NEGR1: variants seen among roughly 807,000 people sequenced by gnomAD.
NEGR1 encodes IgLON family member 4.
Under a neutral mutation model 40.9 loss-of-function variants are expected in NEGR1, and 10 were observed. That is an observed-to-expected ratio of 0.24 (90% CI 0.15 to 0.42). NEGR1 has a LOEUF of 0.42. Among genes scored for constraint, NEGR1 ranks in the 10% least tolerant of loss-of-function variants. The pLI, the probability that NEGR1 is intolerant of heterozygous loss-of-function variation, is 1.00. For synonymous variants in NEGR1, 185 were observed against 166.8 expected (o/e 1.11, Z -0.84); for missense variants, 352 against 438.9 (o/e 0.80, Z 1.77).
chr1:71,817,803 G>A (rs1440171940), intron 2 of NEGR1, among the ~76,000 whole-genome samples: 1 of 151,982 alleles, frequency 6.6e-6, no homozygotes, highest in Admixed American at 6.6e-5. Flanking sequence ...GGATTGGGTG[G>A]CTATGGCTAA....
intron 6 of NEGR1, among the ~76,000 whole-genome samples, chr1:71,547,010 T>C (rs980972564): frequency 6.6e-6 from 1 of 151,716 alleles, no homozygotes; most frequent in African/African-American, 2.4e-5. Flanking sequence ...GCAAGTTGGT[T>C]TGATACTCTA....
chr1:71,421,976 C>A (rs1646397725), intron 6 of NEGR1, among the ~76,000 whole-genome samples: 1 of 151,128 alleles, frequency 6.6e-6, no homozygotes. Flanking sequence ...TGTGAATGTT[C>A]CTGCTAATCT....
chr1:72,255,566 T>G (rs1275196938), intron 1 of NEGR1, among the ~76,000 whole-genome samples: 2 of 149,104 alleles, frequency 1.3e-5, no homozygotes, highest in African/African-American at 5.1e-5. Flanking sequence ...TTTTTTTTTT[T>G]GAGATGGAGT....
intron 6 of NEGR1, among the ~76,000 whole-genome samples, chr1:71,438,482 C>A (rs919655016): frequency 6.6e-6 from 1 of 152,134 alleles, no homozygotes; most frequent in Non-Finnish European, 1.5e-5. Context: ...CTTCTCATCC[C>A]ACTGAAAAGA....
intron 1 of NEGR1, among the ~76,000 whole-genome samples, chr1:72,119,528 A>T (rs1412195568): frequency 2.0e-5 from 3 of 152,016 alleles, no homozygotes; most frequent in Non-Finnish European, 4.4e-5. Flanking sequence ...CATTACTTGT[A>T]TGATACACAA....
chr1:71,441,732 C>A (rs1305614301), intron 6 of NEGR1, among the ~76,000 whole-genome samples: 2 of 151,906 alleles, frequency 1.3e-5, no homozygotes, highest in Admixed American at 1.3e-4. Flanking sequence ...CCTGCTAAGC[C>A]CAACTTGGTT....
intron 2 of NEGR1, among the ~76,000 whole-genome samples, chr1:71,929,788 T>C (rs1645837969): frequency 6.6e-6 from 1 of 151,986 alleles, no homozygotes; most frequent in Admixed American, 6.6e-5. Flanking sequence ...TGTCCTGTGA[T>C]GCTGTTTATT....
intron 1 of NEGR1, among the ~76,000 whole-genome samples, chr1:71,987,299 T>C (rs1291411000): frequency 6.6e-6 from 1 of 152,122 alleles, no homozygotes; most frequent in Non-Finnish European, 1.5e-5. Context: ...AGGGTTTCAA[T>C]CAAGGCCTGG....
At chr1:71,532,726 C>G (rs768944267) in intron 6 of NEGR1, among the ~76,000 whole-genome samples, 2 of 151,466 alleles carry the variant, frequency 1.3e-5, no homozygotes, top group Non-Finnish European at 3.0e-5. Context: ...CACAGATAGA[C>G]GAGGACAAGT....
chr1:72,194,235 A>G (rs1358505284), intron 1 of NEGR1, among the ~76,000 whole-genome samples: 1 of 151,878 alleles, frequency 6.6e-6, no homozygotes, highest in Non-Finnish European at 1.5e-5. Flanking sequence ...ATTATATAAT[A>G]TCTCTCTCAG....
In NEGR1 at chr1:71,542,845, C is replaced by G. The variant is rs566789553; in HGVS notation, c.940+49972G>C. 8.1e-4 allele frequency among the ~76,000 whole-genome samples: 123 copies of G among 151,820 alleles called. 1 individual carries two copies. The highest frequency in any genetic ancestry group is 1.0e-3 in the Non-Finnish European group (71 of 67,794). ...GACTAAAGATTAAGAGCTCCACAAG[C>G]AATTTTTCCTGATCCAACCAATTCT... On this transcript the variant is annotated intron_variant, in intron 6 of 6. Coordinates refer to ENST00000357731, the MANE Select transcript of NEGR1 (RefSeq NM_173808.3).
intron 2 of NEGR1, among the ~76,000 whole-genome samples, chr1:71,932,973 C>T (rs557049557): frequency 5.9e-5 from 9 of 152,066 alleles, no homozygotes; most frequent in East Asian, 5.8e-4. Context: ...ATTTGAAAAC[C>T]GCCTACATGT....
chr1:71,955,689 G>T (rs1034691806), intron 1 of NEGR1, among the ~76,000 whole-genome samples: 1 of 152,122 alleles, frequency 6.6e-6, no homozygotes, highest in Non-Finnish European at 1.5e-5. Context: ...TCCCAAAAGA[G>T]TTTAACATTG....
intron 3 of NEGR1, among the ~76,000 whole-genome samples, chr1:71,753,995 G>A (rs1378994246): frequency 1.3e-5 from 2 of 152,304 alleles, no homozygotes; most frequent in East Asian, 3.9e-4. Flanking sequence ...CTGGGGTGAT[G>A]AATTGAGCAT....
chr1:72,065,303 T>A (rs1179783357), intron 1 of NEGR1, among the ~76,000 whole-genome samples: 1 of 152,094 alleles, frequency 6.6e-6, no homozygotes, highest in Non-Finnish European at 1.5e-5. Context: ...TCTTAAAATT[T>A]ATGTATTCTT....
chr1:72,227,166 A>T (rs1289603976), intron 1 of NEGR1, among the ~76,000 whole-genome samples: 1 of 152,114 alleles, frequency 6.6e-6, no homozygotes, highest in Non-Finnish European at 1.5e-5. Context: ...CTTGGAACTC[A>T]GTTTCCTCAT....
chr1:71,403,000 G>A lies in NEGR1; in HGVS notation c.*4446C>T, dbSNP rs1646256006. On this transcript the variant is annotated 3_prime_UTR_variant, in exon 7 of 7. Coordinates refer to ENST00000357731, the MANE Select transcript of NEGR1 (RefSeq NM_173808.3). ...AGTTTTTTTGTGGAGGGAGGGCTTT[G>A]GTGTATATAGATTTCTCAGAATAGC... is the stretch of plus-strand genomic sequence containing the variant. The A allele has an allele frequency of 6.6e-6, 1 of 151,998 alleles. No homozygotes were observed. The highest frequency in any genetic ancestry group is 1.5e-5 in the Non-Finnish European group (1 of 67,940). The allele number at this position is 151,998 out of a possible 1,614,324, so 9.4% of individuals were successfully genotyped here. A position where few individuals can be genotyped will look rare whatever the true frequency, so the allele number is the denominator to read the frequency against.
chr1:71,985,662 A>G (rs1646388235), intron 1 of NEGR1, among the ~76,000 whole-genome samples: 1 of 152,232 alleles, frequency 6.6e-6, no homozygotes, highest in African/African-American at 2.4e-5. Flanking sequence ...ATTAAATTAT[A>G]TATGTACACA....
chr1:72,266,690 A>G (rs966108590), intron 1 of NEGR1, among the ~76,000 whole-genome samples: 1 of 147,548 alleles, frequency 6.8e-6, no homozygotes, highest in Non-Finnish European at 1.5e-5. Flanking sequence ...TAAAAAATGT[A>G]CCAAGTGTGT....
Sources: gnomAD v4.1 joint callset for allele counts (sites outside exome capture counted in the v4.1 genomes callset) on GRCh38, gnomAD v4.1.1 for gene constraint, MANE v1.5 for transcripts, NCBI Gene and HGNC (gene_info 2026-07-23, HGNC 2026-07-21) for gene names.